CYFIP2: variants seen among roughly 807,000 people sequenced by gnomAD.
CYFIP2 encodes the protein cytoplasmic FMR1-interacting protein 2.
A neutral mutation model predicts 158.7 loss-of-function variants in CYFIP2; 29 were observed. The observed-to-expected ratio is 0.18, with a 90% CI of 0.14 to 0.25. The LOEUF is 0.25. Ranked by LOEUF, CYFIP2 falls within the 10% of genes least tolerant of loss-of-function variation. CYFIP2 has a pLI of 1.00. For synonymous variants in CYFIP2, 585 were observed against 617.6 expected, an observed-to-expected ratio of 0.95 and a Z score of 0.78; for missense variants, 852 against 1,639.5, an observed-to-expected ratio of 0.52 and a Z score of 8.29.
chr5:157,353,622 T>C (rs754994214), intron 23 of CYFIP2, among the ~76,000 whole-genome samples: 22 of 152,328 alleles, frequency 1.4e-4, no homozygotes, highest in Non-Finnish European at 3.2e-4. Flanking sequence ...ACTGTCTTGC[T>C]CTGTGATCTT....
chr5:157,333,725 A>G (rs2113196723), intron 21 of CYFIP2, among the ~76,000 whole-genome samples: 1 of 152,332 alleles, frequency 6.6e-6, no homozygotes, highest in Admixed American at 6.5e-5. Flanking sequence ...CTGCAGGCTG[A>G]GCAAGTAGGT....
At chr5:157,360,175 C>A in intron 24 of CYFIP2, 107 bp from the exon 25 acceptor site, 1 of 870,200 alleles carries the variant, frequency 1.1e-6, no homozygotes, top group Non-Finnish European at 1.8e-6. Flanking sequence ...GACTGTTCCC[C>A]GCCTTTAGGC....
intron 5 of CYFIP2, among the ~76,000 whole-genome samples, chr5:157,299,757 C>G (rs540599697): frequency 4.6e-5 from 7 of 152,032 alleles, no homozygotes; most frequent in African/African-American, 7.2e-5. Context: ...AAAAAATTAG[C>G]TGGGCATGGT....
At chr5:157,320,136 AG>A (rs1003988824) in intron 14 of CYFIP2, among the ~76,000 whole-genome samples, 1 of 152,222 alleles carries the variant, frequency 6.6e-6, no homozygotes, top group African/African-American at 2.4e-5. Context: ...GAACTTGGTC[AG>A]GTTGCTGACC....
At chr5:157,330,931 G>A in intron 20 of CYFIP2, 81 bp downstream of exon 20, 2 of 1,117,780 alleles carry the variant, frequency 1.8e-6, no homozygotes, top group South Asian at 2.6e-5. Flanking sequence ...TCAGAAATCA[G>A]GCCTGGGTAT....
chr5:157,338,257 A>G (rs534728267), intron 21 of CYFIP2, among the ~76,000 whole-genome samples: 2 of 152,358 alleles, frequency 1.3e-5, no homozygotes, highest in South Asian at 4.1e-4. Context: ...CACAGTGCAC[A>G]TAGATCCCGG....
At chr5:157,378,191 AT>A (rs1765680009) in intron 26 of CYFIP2, among the ~76,000 whole-genome samples, 1 of 152,168 alleles carries the variant, frequency 6.6e-6, no homozygotes, top group South Asian at 2.1e-4. Flanking sequence ...ACATCAACAG[AT>A]TTATAAAAAT....
At chr5:157,309,406 G>A (rs1759518037) in intron 9 of CYFIP2, among the ~76,000 whole-genome samples, 2 of 152,222 alleles carry the variant, frequency 1.3e-5, no homozygotes. Flanking sequence ...CTTTAAGCCA[G>A]GGAAGATTCG....
At chr5:157,365,710 T>C (rs1764301908) in intron 26 of CYFIP2, among the ~76,000 whole-genome samples, 1 of 151,588 alleles carries the variant, frequency 6.6e-6, no homozygotes, top group African/African-American at 2.4e-5. Flanking sequence ...TTCCGAGTTC[T>C]ATTTCCAGAG....
Position 157,392,982 on chromosome 5 carries a change from C to T in CYFIP2, c.3744C>T (p.Ser1248=), listed in dbSNP as rs1227566832. 2 of 1,613,742 alleles carry T rather than the reference C, an allele frequency of 1.2e-6. No homozygotes were observed. Among genetic ancestry groups the T allele is most frequent in the Non-Finnish European group, 1.7e-6 (2 of 1,179,852 alleles). Residue 1248 remains serine, a synonymous_variant, in exon 31 of 31, where the codon TCC becomes TCT. Coordinates refer to ENST00000620254, the MANE Select transcript of CYFIP2 (RefSeq NM_001037333.3). ...GCTTCCAGCCACCCATCCACCAGTC[C>T]TTGGCCACCACTTGCTAAGCAGAAG... ...VRCFQPPIHQ[S]LATTC
chr5:157,300,867 C>T lies in CYFIP2; in HGVS notation c.540C>T (p.Ser180=), dbSNP rs373151265. 1.8e-4 allele frequency: 281 copies of T among 1,604,420 alleles called. No homozygotes were observed. Among genetic ancestry groups the T allele is most frequent in the Middle Eastern group, 3.3e-4 (2 of 6,026 alleles). Residue 180 remains serine (S), a synonymous_variant, in exon 6 of 31, where the codon AGC becomes AGT. Coordinates refer to ENST00000620254, the MANE Select transcript of CYFIP2 (RefSeq NM_001037333.3). The part of the protein sequence containing the change: ...VLDELKNMKC[S]VKNDHSAYKR... Reference sequence around the variant, plus strand: ...ATGAGCTAAAGAACATGAAGTGCAGCGTCAAGAATGACCACTCTGCCTACA... The same window carrying T: ...ATGAGCTAAAGAACATGAAGTGCAGTGTCAAGAATGACCACTCTGCCTACA...
intron 1 of CYFIP2, among the ~76,000 whole-genome samples, chr5:157,277,725 G>A (rs577640110): frequency 6.6e-6 from 1 of 152,318 alleles, no homozygotes; most frequent in African/African-American, 2.4e-5. Flanking sequence ...TTCTGAAGCT[G>A]TCTGTGGACT....
At chr5:157,382,465 T>A (rs761115842) in intron 26 of CYFIP2, 125 bp from the exon 27 acceptor site, 56 of 914,856 alleles carry the variant, frequency 6.1e-5, no homozygotes, top group Non-Finnish European at 9.3e-5. Flanking sequence ...AAGGTCACAG[T>A]GAGTAGAAGA....
intron 28 of CYFIP2, among the ~76,000 whole-genome samples, chr5:157,386,292 A>G (rs1029246774): frequency 6.6e-6 from 1 of 152,106 alleles, no homozygotes. Context: ...ATCACAGCTC[A>G]CTGCAGCCTC....
chr5:157,279,999 T>A (rs1170328099), intron 1 of CYFIP2, among the ~76,000 whole-genome samples: 1 of 152,242 alleles, frequency 6.6e-6, no homozygotes, highest in Non-Finnish European at 1.5e-5. Context: ...AGGCACTGAA[T>A]GATCTACCAA....
chr5:157,384,732 G>A (rs1238449864), intron 28 of CYFIP2: 2 of 335,492 alleles, frequency 6.0e-6, no homozygotes, highest in Non-Finnish European at 6.0e-6. Flanking sequence ...CTCAGGTCAG[G>A]AGGTCGAGAC....
intron 12 of CYFIP2, among the ~76,000 whole-genome samples, 171 bp from the exon 13 acceptor site, chr5:157,314,798 T>G (rs902743540): frequency 3.9e-5 from 6 of 152,244 alleles, no homozygotes; most frequent in Non-Finnish European, 7.3e-5. Flanking sequence ...TGTGGTCTTT[T>G]GTATCAGGCT....
intron 1 of CYFIP2, among the ~76,000 whole-genome samples, chr5:157,268,370 A>G (rs1187596306): frequency 6.6e-6 from 1 of 152,242 alleles, no homozygotes; most frequent in Non-Finnish European, 1.5e-5. Context: ...ATGCTGGCCC[A>G]GAGAAGGAAG....
At chr5:157,364,985 C>T (rs1764230278) in intron 26 of CYFIP2, 1 of 151,728 alleles carries the variant, frequency 6.6e-6, no homozygotes, top group Non-Finnish European at 1.5e-5. Context: ...GTGAAAGATA[C>T]AATATTGAGC....
Sources: gnomAD v4.1 joint callset for allele counts (sites outside exome capture counted in the v4.1 genomes callset) on GRCh38, gnomAD v4.1.1 for gene constraint, MANE v1.5 for transcripts, NCBI Gene and HGNC (gene_info 2026-07-23, HGNC 2026-07-21) for gene names.